Variants in VWA2 observed in about 807,000 individuals in gnomAD.
The protein encoded by VWA2 is von Willebrand factor A domain containing 2.
VWA2 carries 73 observed loss-of-function variants against 70.4 expected under a neutral mutation model. The ratio of observed to expected loss-of-function variants is 1.04; its 90% CI spans 0.86 to 1.26. VWA2 has a LOEUF of 1.26. Ranked by LOEUF, VWA2 falls within the 50% of genes most tolerant of loss-of-function variation. VWA2 has a pLI of 0.00. For synonymous variants in VWA2, 407 were observed against 423.3 expected (o/e 0.96, Z 0.47); for missense variants, 1,011 against 998.5 (o/e 1.01, Z -0.17).
intron 1 of VWA2, among the ~76,000 whole-genome samples, chr10:114,240,144 C>T (rs971780746): frequency 6.6e-5 from 10 of 152,228 alleles, no homozygotes; most frequent in African/African-American, 2.4e-4. Context: ...GCCGGCTGCC[C>T]CGAGAGTCCT....
intron 4 of VWA2, among the ~76,000 whole-genome samples, chr10:114,256,343 A>G (rs2037327097): frequency 6.6e-6 from 1 of 152,254 alleles, no homozygotes. Flanking sequence ...TGTCAAAGTA[A>G]GGTGCAAATG....
chr10:114,281,619 A>G, intron 8 of VWA2: 1 of 457,140 alleles, frequency 2.2e-6, no homozygotes, highest in South Asian at 9.2e-5. Flanking sequence ...CATTGAGTCC[A>G]GTGGCTTACA....
chr10:114,254,937 G>A lies in VWA2; in HGVS notation c.150G>A (p.Val50=), dbSNP rs1449856720. ...ASKMMWCSAA[V]DIMFLLDGSN... is the part of the protein sequence containing the mutation. ...TAGTGATGTGGTGCTCGGCTGCAGTGGACATCATGTTTCTGTTAGATGGGT... is the reference window on the plus strand; with the variant it reads ...TAGTGATGTGGTGCTCGGCTGCAGTAGACATCATGTTTCTGTTAGATGGGT... The change falls in exon 4 of 14, where the codon GTG becomes GTA. Residue 50 remains valine (V), a synonymous_variant. Transcript: ENST00000392982. 3 of 1,613,436 alleles carry A rather than the reference G, an allele frequency of 1.9e-6. No individual in the cohort carries two copies. The Admixed American group carries it at 5.0e-5, about 27-fold the overall frequency.
rs185902101 is a variant in VWA2, at chr10:114,264,865, G to A, written c.371+3570G>A. Among the ~76,000 whole-genome samples the A allele has an allele frequency of 5.0e-3, 766 of 152,168 alleles. 7 individuals are homozygous for A. The highest frequency in any genetic ancestry group is 0.017 in the African/African-American group (711 of 41,504). On this transcript the variant is annotated intron_variant, in intron 5 of 13. Transcript: ENST00000392982. ...CTCCCGAGTAGCTAGGACTATAGGC[G>A]CTCGTCACCATGCCTGGCTAATTTT...
chr10:114,271,629 A>C lies in VWA2; in HGVS notation c.372-1111A>C, dbSNP rs555338992. Among the ~76,000 whole-genome samples the C allele has an allele frequency of 2.0e-5, 3 of 152,204 alleles. No individual in the cohort carries two copies. The East Asian group carries it at 5.8e-4, about 29-fold the overall frequency. On this transcript the variant is annotated intron_variant, in intron 5 of 13. Transcript: ENST00000392982. ...TAAAAACACACACACACACACACAC[A>C]CACACACACACACAGCAGGTAATGC...
intron 2 of VWA2, among the ~76,000 whole-genome samples, chr10:114,251,799 G>C (rs891476845): frequency 3.2e-4 from 49 of 151,048 alleles, no homozygotes; most frequent in African/African-American, 1.1e-3. Flanking sequence ...ATCTCTGAAT[G>C]CAGTGAGCAG....
Position 114,278,022 on chromosome 10 carries a change from G to T in VWA2, c.675G>T (p.Ser225=). 2 of 1,612,476 alleles carry T rather than the reference G, an allele frequency of 1.2e-6. No individual in the cohort carries two copies. The highest frequency in any genetic ancestry group is 1.7e-5 in the Admixed American group (1 of 60,000). Residue 225 remains serine, a synonymous_variant, in exon 7 of 14, where the codon TCG becomes TCT. Transcript: ENST00000392982. ...TNGLFSTLSS[S]AICSSATPDC... Reference sequence around the variant, plus strand: ...GCCTCTTCAGCACCCTCAGCAGCTCGGCCATCTGCTCCAGCGCCACGCCAG... The same window carrying T: ...GCCTCTTCAGCACCCTCAGCAGCTCTGCCATCTGCTCCAGCGCCACGCCAG...
At position 114,289,306 on chromosome 10, in the gene VWA2, G is replaced by A. The variant is rs778517109; in HGVS notation, c.1939G>A (p.Asp647Asn). The change falls in exon 12 of 14, where the codon GAT becomes AAT. Residue 647 changes from aspartate to asparagine, a missense_variant. Physicochemically the swap from Asp to Asn is conservative, Grantham distance 23 (BLOSUM62 1). Transcript: ENST00000392982. Reference sequence around the variant, plus strand: ...GCTCACAGGCGGGAGAGGCGCAGAGGATGCAGCCGTTCCTGCCCAGAAGCT... The same window carrying A: ...GCTCACAGGCGGGAGAGGCGCAGAGAATGCAGCCGTTCCTGCCCAGAAGCT... Reference protein sequence around the residue: ...VVLTGGRGAEDAAVPAQKLRN... With the variant: ...VVLTGGRGAENAAVPAQKLRN... 1 of 1,614,110 alleles carries A rather than the reference G, an allele frequency of 6.2e-7. No homozygotes were observed. The highest frequency in any genetic ancestry group is 1.1e-5 in the South Asian group (1 of 91,078).
At position 114,272,896 on chromosome 10, in the gene VWA2, G is replaced by A; in HGVS notation, c.528G>A (p.Arg176=). Residue 176 remains arginine (R), a synonymous_variant, in exon 6 of 14, where the codon AGG becomes AGA. Transcript: ENST00000392982. ...TGCCATCCAAGCAGCTGAAGGAAAG[G>A]GGTGTCACTGTGTTTGCTGTGGGGG... ...VALPSKQLKE[R]GVTVFAVGVR... 6.2e-7 allele frequency: 1 copy of A among 1,613,580 alleles called. No homozygotes were observed. The highest frequency in any genetic ancestry group is 8.5e-7 in the Non-Finnish European group (1 of 1,179,732).
At chr10:114,250,060 C>A (rs965988844) in intron 2 of VWA2, among the ~76,000 whole-genome samples, 1 of 152,166 alleles carries the variant, frequency 6.6e-6, no homozygotes, top group Non-Finnish European at 1.5e-5. Flanking sequence ...ATCCTTAGGC[C>A]CCAGCACAAT....
intron 9 of VWA2, 67 bp from the exon 10 acceptor site, chr10:114,284,796 C>T: frequency 2.7e-6 from 4 of 1,469,162 alleles, no homozygotes; most frequent in East Asian, 2.6e-5. Flanking sequence ...GCACCCACAC[C>T]TCTGGCCAGT....
chr10:114,278,722 G>A lies in VWA2; in HGVS notation c.704G>A (p.Cys235Tyr). The change falls in exon 8 of 14, where the codon TGC (cysteine) becomes TAC (tyrosine). Residue 235 changes from cysteine (C) to tyrosine (Y), a missense_variant. Coordinates refer to ENST00000392982, the MANE Select transcript of VWA2 (RefSeq NM_001272046.2). The stretch of plus-strand genomic sequence containing the variant: ...TGGGTGTGTGTTGTGGACACAGACT[G>A]CAGGGTCGAGGCTCACCCCTGTGAG... ...SAICSSATPDCRVEAHPCEHR... is the reference protein window; with the variant it reads ...SAICSSATPDYRVEAHPCEHR... 1 of 1,614,018 alleles carries A rather than the reference G, an allele frequency of 6.2e-7. No homozygotes were observed. The highest frequency in any genetic ancestry group is 8.5e-7 in the Non-Finnish European group (1 of 1,180,028).
chr10:114,262,250 GAT>G (rs1422152698), intron 5 of VWA2, among the ~76,000 whole-genome samples: 2 of 151,126 alleles, frequency 1.3e-5, no homozygotes, highest in African/African-American at 2.4e-5. Flanking sequence ...ATCTGAATAT[GAT>G]ATGTGTGTTT....
chr10:114,246,546 C>G lies in VWA2; in HGVS notation c.-10-2158C>G, dbSNP rs1322063343. 9 of 707,452 alleles carry G rather than the reference C, an allele frequency of 1.3e-5. No homozygotes were observed. In the South Asian group the frequency reaches 1.4e-4, roughly 11 times the overall value. 43.8% of individuals were successfully genotyped at this position (707,452 alleles called of 1,614,324 possible). On this transcript the variant is annotated intron_variant, in intron 1 of 13. Transcript: ENST00000392982. ...AAAAACGAGTATCATGGGTTGAATT[C>G]ACATTCCCTGACTGTAACAGAGGGA... is the stretch of plus-strand genomic sequence containing the variant.
At chr10:114,246,191 G>A in intron 1 of VWA2, 1 of 1,187,132 alleles carries the variant, frequency 8.4e-7, no homozygotes, top group South Asian at 1.2e-5. Context: ...CGTACACCAA[G>A]AGACCTACAA....
chr10:114,247,590 C>T (rs71484933), intron 1 of VWA2, among the ~76,000 whole-genome samples: 3,094 of 151,756 alleles, frequency 0.02, 41 homozygotes, highest in South Asian at 0.049. Context: ...AGAGCCACCG[C>T]GAAGGGCTTA....
intron 13 of VWA2, among the ~76,000 whole-genome samples, 176 bp downstream of exon 13, chr10:114,290,541 C>T (rs1433628311): frequency 1.3e-5 from 2 of 152,226 alleles, no homozygotes; most frequent in Non-Finnish European, 2.9e-5. Flanking sequence ...GCATTGTTCT[C>T]AGTGCAGGAA....
chr10:114,284,975 G>A lies in VWA2; in HGVS notation c.997+5G>A. ...TTGGAGGGGAGGCTAACTGTGGTAG[G>A]TATGCACCGGCCCTGCAAGACTGAC... On this transcript the variant is annotated splice_donor_5th_base_variant and intron_variant, in intron 10 of 13. Transcript: ENST00000392982. 6.3e-7 allele frequency: 1 copy of A among 1,586,748 alleles called. No homozygotes were observed. The highest frequency in any genetic ancestry group is 2.3e-5 in the East Asian group (1 of 42,688).
chr10:114,281,805 A>G, intron 8 of VWA2: 4 of 949,364 alleles, frequency 4.2e-6, no homozygotes, highest in Non-Finnish European at 5.0e-6. Context: ...TGAAGATAGA[A>G]TTACTATACA....
Sources: allele counts gnomAD v4.1 joint callset (sites outside exome capture counted in the v4.1 genomes callset), GRCh38; gene constraint gnomAD v4.1.1; transcripts MANE v1.5; gene names NCBI Gene and HGNC (gene_info 2026-07-23, HGNC 2026-07-21).